Variants in FUT9 observed in about 807,000 individuals in gnomAD.
FUT9 encodes 4-galactosyl-N-acetylglucosaminide 3-alpha-L-fucosyltransferase 9.
A neutral mutation model predicts 29.7 loss-of-function variants in FUT9; 15 were observed. The ratio of observed to expected loss-of-function variants is 0.51; its 90% CI spans 0.34 to 0.78. The LOEUF is 0.78. Ranked by LOEUF, FUT9 falls within the 30% of genes least tolerant of loss-of-function variation. FUT9 has a pLI of 0.01. For missense variants in FUT9, 319 were observed against 425.4 expected (o/e 0.75, Z 2.20); for synonymous variants, 169 against 153.7 (o/e 1.10, Z -0.74).
At chr6:96,148,716 G>T (rs938323677) in intron 2 of FUT9, among the ~76,000 whole-genome samples, 5 of 152,126 alleles carry the variant, frequency 3.3e-5, no homozygotes, top group African/African-American at 1.2e-4. Context: ...TTAAAAAGTG[G>T]CCACTCCTAT....
At chr6:96,140,434 G>A (rs906520570) in intron 2 of FUT9, among the ~76,000 whole-genome samples, 12 of 152,072 alleles carry the variant, frequency 7.9e-5, no homozygotes, top group South Asian at 2.1e-4. Context: ...TTCCAAAGTC[G>A]CTTCCACATT....
chr6:96,175,039 G>A (rs1395790187), intron 2 of FUT9, among the ~76,000 whole-genome samples: 3 of 151,722 alleles, frequency 2.0e-5, no homozygotes, highest in Non-Finnish European at 2.9e-5. Context: ...TTGCTATTCC[G>A]ATCACGATTT....
rs1369554890 is a variant in FUT9 at position 96,204,576 on chromosome 6, T to C, written c.*341T>C. ...CCACACTGATCAGCTGTTTAATCTA[T>C]TTGGGAAATGAAGATGCACATCTTA... On this transcript the variant is annotated 3_prime_UTR_variant, in exon 3 of 3. Coordinates refer to ENST00000302103, the MANE Select transcript of FUT9 (RefSeq NM_006581.4). 1 of 174,930 alleles carries C rather than the reference T, an allele frequency of 5.7e-6. No individual in the cohort carries two copies. The highest frequency in any genetic ancestry group is 2.4e-5 in the African/African-American group (1 of 41,830). 10.8% of individuals were successfully genotyped at this position (174,930 alleles called of 1,614,324 possible).
intron 2 of FUT9, among the ~76,000 whole-genome samples, chr6:96,127,322 A>T (rs954095047): frequency 6.6e-6 from 1 of 152,196 alleles, no homozygotes; most frequent in Non-Finnish European, 1.5e-5. Context: ...TTAGTTTCTT[A>T]GGACAATAGC....
intron 2 of FUT9, among the ~76,000 whole-genome samples, chr6:96,129,251 T>G (rs1159083280): frequency 7.8e-6 from 1 of 128,864 alleles, no homozygotes. Flanking sequence ...GGCGAGAGAA[T>G]GAGACTCTGT....
At chr6:96,074,664 T>C (rs1050654234) in intron 1 of FUT9, among the ~76,000 whole-genome samples, 4 of 152,194 alleles carry the variant, frequency 2.6e-5, no homozygotes, top group African/African-American at 7.2e-5. Flanking sequence ...TATATAACTA[T>C]AGTTTTTAGA....
rs2127991899 is a variant in FUT9, at chr6:96,204,454, C to A, written c.*219C>A. On this transcript the variant is annotated 3_prime_UTR_variant, in exon 3 of 3. Transcript: ENST00000302103. ...TCCTGTATATACCTAATTATGTGCA[C>A]TGGAGAGTAATTTATTCTTCATTAT... 2 of 334,808 alleles carry A rather than the reference C, an allele frequency of 6.0e-6. No homozygotes were observed. Among genetic ancestry groups the A allele is most frequent in the Admixed American group, 9.3e-5 (2 of 21,452 alleles). 20.7% of individuals were successfully genotyped at this position (334,808 alleles called of 1,614,324 possible).
intron 2 of FUT9, among the ~76,000 whole-genome samples, chr6:96,144,136 C>A (rs563108258): frequency 6.6e-6 from 1 of 152,290 alleles, no homozygotes; most frequent in South Asian, 2.1e-4. Context: ...CACTCATATA[C>A]GTAGAGTAAT....
At chr6:96,147,099 T>G (rs1407798170) in intron 2 of FUT9, among the ~76,000 whole-genome samples, 1 of 152,136 alleles carries the variant, frequency 6.6e-6, no homozygotes, top group Non-Finnish European at 1.5e-5. Context: ...TCCCCCTTTT[T>G]GTCATCCAAT....
chr6:96,163,923 T>G (rs1436844091), intron 2 of FUT9, among the ~76,000 whole-genome samples: 1 of 152,150 alleles, frequency 6.6e-6, no homozygotes, highest in Admixed American at 6.5e-5. Context: ...CTCGATCAAT[T>G]TAGGAGTTTA....
At chr6:96,123,901 T>A (rs927721212) in intron 2 of FUT9, among the ~76,000 whole-genome samples, 16 of 151,810 alleles carry the variant, frequency 1.1e-4, no homozygotes, top group Admixed American at 2.6e-4. Flanking sequence ...TTTAATGCAA[T>A]CTTCTGCTTG....
rs1055410863 is a variant in FUT9, at chr6:96,208,145, G to A, written c.*3910G>A. ...ACAGAATATTTAGGAATTATTTGCG[G>A]AGGCTTTAAATTCTTACCTCCAATT... On this transcript the variant is annotated 3_prime_UTR_variant, in exon 3 of 3. Coordinates refer to ENST00000302103, the MANE Select transcript of FUT9 (RefSeq NM_006581.4). 1 of 166,862 alleles carries A rather than the reference G, an allele frequency of 6.0e-6. No individual in the cohort carries two copies. The highest frequency in any genetic ancestry group is 1.5e-5 in the Non-Finnish European group (1 of 67,994). The allele number at this position is 166,862 out of a possible 1,614,324, so 10.3% of individuals were successfully genotyped here. A position where few individuals can be genotyped will look rare whatever the true frequency, so the allele number is the denominator to read the frequency against.
intron 2 of FUT9, among the ~76,000 whole-genome samples, chr6:96,152,926 G>A (rs987287923): frequency 6.6e-6 from 1 of 152,172 alleles, no homozygotes; most frequent in African/African-American, 2.4e-5. Flanking sequence ...AGTTAAAGCT[G>A]AGCTTTGCCT....
intron 2 of FUT9, among the ~76,000 whole-genome samples, chr6:96,169,521 G>A (rs536396073): frequency 6.6e-6 from 1 of 152,234 alleles, no homozygotes; most frequent in South Asian, 2.1e-4. Context: ...GTTGCTAATA[G>A]TGTTTTGTTT....
chr6:96,070,274 GA>G (rs1184216317), intron 1 of FUT9, among the ~76,000 whole-genome samples: 3 of 152,062 alleles, frequency 2.0e-5, no homozygotes, highest in African/African-American at 7.2e-5. Context: ...TTGAAATACA[GA>G]AAAAAGACAT....
chr6:96,093,049 T>C (rs557862874), intron 1 of FUT9, among the ~76,000 whole-genome samples: 1 of 152,266 alleles, frequency 6.6e-6, no homozygotes, highest in Admixed American at 6.5e-5. Context: ...ATTACAGGCA[T>C]GAGCCACCTT....
At position 96,098,398 on chromosome 6, in the gene FUT9, G is replaced by A. The variant is rs115851027; in HGVS notation, c.-97-15641G>A. On this transcript the variant is annotated intron_variant, in intron 1 of 2. Coordinates refer to ENST00000302103, the MANE Select transcript of FUT9 (RefSeq NM_006581.4). ...AGGCAACATTTCTTTAATCACTCACGATCCACAGTGATCTTTCATTTAGCT... is the reference window on the plus strand; with the variant it reads ...AGGCAACATTTCTTTAATCACTCACAATCCACAGTGATCTTTCATTTAGCT... Among the ~76,000 whole-genome samples, 919 of 152,180 alleles carry A rather than the reference G, an allele frequency of 6.0e-3. 15 individuals carry two copies. Among genetic ancestry groups the A allele is most frequent in the African/African-American group, 0.021 (878 of 41,518 alleles).
intron 1 of FUT9, among the ~76,000 whole-genome samples, chr6:96,108,730 A>T (rs138893889): frequency 3.9e-5 from 6 of 152,278 alleles, no homozygotes; most frequent in Admixed American, 2.6e-4. Context: ...CCTTGTCGTT[A>T]TTCAGTATTC....
At chr6:96,174,435 G>A (rs187514787) in intron 2 of FUT9, among the ~76,000 whole-genome samples, 104 of 152,136 alleles carry the variant, frequency 6.8e-4, no homozygotes, top group African/African-American at 2.4e-3. Flanking sequence ...TAATAAGAAA[G>A]AAGTAAATTA....
Sources: gnomAD v4.1 joint callset for allele counts (sites outside exome capture counted in the v4.1 genomes callset) on GRCh38, gnomAD v4.1.1 for gene constraint, MANE v1.5 for transcripts, NCBI Gene and HGNC (gene_info 2026-07-23, HGNC 2026-07-21) for gene names.